Variants in GNA14 observed in about 807,000 individuals in gnomAD.
GNA14 encodes guanine nucleotide-binding protein subunit alpha-14.
A neutral mutation model predicts 42.0 loss-of-function variants in GNA14; 50 were observed. The ratio of observed to expected loss-of-function variants is 1.19; its 90% CI spans 0.95 to 1.51. The LOEUF is 1.51. Among genes scored for constraint, GNA14 ranks in the 40% most tolerant of loss-of-function variants. GNA14 has a pLI of 0.00. For synonymous variants in GNA14, 173 were observed against 163.1 expected (o/e 1.06, Z -0.46); for missense variants, 473 against 446.2 (o/e 1.06, Z -0.54).
chr9:77,469,449 TTG>T (rs1836291270), intron 2 of GNA14, among the ~76,000 whole-genome samples: 1 of 151,848 alleles, frequency 6.6e-6, no homozygotes, highest in Admixed American at 6.6e-5. Flanking sequence ...CTGTTATTGT[TTG>T]TGTCACCCTA....
chr9:77,614,617 C>T (rs113321182), intron 1 of GNA14, among the ~76,000 whole-genome samples: 3 of 152,160 alleles, frequency 2.0e-5, no homozygotes, highest in African/African-American at 7.2e-5. Flanking sequence ...ATCCCTGACC[C>T]TCCTAATATC....
At chr9:77,582,550 A>C (rs554521046) in intron 1 of GNA14, among the ~76,000 whole-genome samples, 16 of 152,322 alleles carry the variant, frequency 1.1e-4, no homozygotes, top group African/African-American at 3.8e-4. Flanking sequence ...CCCATTTTGC[A>C]TAAGTGGTTA....
Position 77,648,061 on chromosome 9 carries a change from G to A in GNA14, c.-268C>T, listed in dbSNP as rs951493495. 5 of 497,300 alleles carry A rather than the reference G, an allele frequency of 1.0e-5. No homozygotes were observed. The Admixed American group carries it at 2.0e-4, about 20-fold the overall frequency. The allele number at this position is 497,300 out of a possible 1,614,324, so 30.8% of individuals were successfully genotyped here. On this transcript the variant is annotated 5_prime_UTR_variant, in exon 1 of 7. Coordinates refer to ENST00000341700, the MANE Select transcript of GNA14 (RefSeq NM_004297.4). Reference sequence around the variant, plus strand: ...CAGCCCGCCCCACTCTCGCTCTGGGGAGGAGGAGGGCGAGTCGAGAAGTTG... The same window carrying A: ...CAGCCCGCCCCACTCTCGCTCTGGGAAGGAGGAGGGCGAGTCGAGAAGTTG...
chr9:77,584,632 AC>A (rs1231767704), intron 1 of GNA14, among the ~76,000 whole-genome samples: 1 of 152,088 alleles, frequency 6.6e-6, no homozygotes, highest in African/African-American at 2.4e-5. Flanking sequence ...CCAGATCCAG[AC>A]CCCAGGAAAG....
intron 1 of GNA14, among the ~76,000 whole-genome samples, chr9:77,588,112 G>A (rs1823333432): frequency 2.0e-5 from 3 of 151,894 alleles, no homozygotes; most frequent in African/African-American, 7.3e-5. Flanking sequence ...GTATTACATT[G>A]GTTCTACCTG....
intron 4 of GNA14, among the ~76,000 whole-genome samples, chr9:77,430,283 T>C (rs1000149387): frequency 1.3e-5 from 2 of 152,206 alleles, no homozygotes; most frequent in Non-Finnish European, 2.9e-5. Flanking sequence ...TGGTGGATGA[T>C]GTTAAACCCA....
intron 2 of GNA14, among the ~76,000 whole-genome samples, chr9:77,447,568 C>T (rs1202373393): frequency 6.6e-6 from 1 of 152,120 alleles, no homozygotes; most frequent in Non-Finnish European, 1.5e-5. Flanking sequence ...ATTTCAGTGC[C>T]TTAACAGCAC....
At chr9:77,459,254 A>G (rs1836064267) in intron 2 of GNA14, among the ~76,000 whole-genome samples, 1 of 152,092 alleles carries the variant, frequency 6.6e-6, no homozygotes, top group Non-Finnish European at 1.5e-5. Flanking sequence ...AAAAGAAAAA[A>G]AAGAAAAAAG....
At chr9:77,519,705 G>T (rs1837320371) in intron 2 of GNA14, among the ~76,000 whole-genome samples, 1 of 152,052 alleles carries the variant, frequency 6.6e-6, no homozygotes, top group Non-Finnish European at 1.5e-5. Flanking sequence ...TACACTACTT[G>T]GTGATGGTTA....
At chr9:77,456,552 A>G (rs1023146304) in intron 2 of GNA14, 1 of 152,228 alleles carries the variant, frequency 6.6e-6, no homozygotes, top group Non-Finnish European at 1.5e-5. Context: ...GGTAAGTTAT[A>G]AACAGGTGTA....
chr9:77,476,835 T>G (rs1836435399), intron 2 of GNA14, among the ~76,000 whole-genome samples: 1 of 152,064 alleles, frequency 6.6e-6, no homozygotes, highest in Admixed American at 6.5e-5. Flanking sequence ...AGTCAGTGGG[T>G]TCATACCTGG....
intron 1 of GNA14, among the ~76,000 whole-genome samples, chr9:77,597,860 G>C (rs1315080615): frequency 6.6e-6 from 1 of 151,830 alleles, no homozygotes; most frequent in Non-Finnish European, 1.5e-5. Context: ...TCAGGAGTTC[G>C]AGACCAGCCT....
intron 1 of GNA14, among the ~76,000 whole-genome samples, chr9:77,599,177 T>A (rs1157994907): frequency 6.6e-6 from 1 of 152,206 alleles, no homozygotes; most frequent in Non-Finnish European, 1.5e-5. Context: ...TGGATGAGAT[T>A]GTTACCAGAT....
intron 3 of GNA14, among the ~76,000 whole-genome samples, chr9:77,432,689 C>CA (rs1835576909): frequency 6.6e-6 from 1 of 152,198 alleles, no homozygotes; most frequent in Non-Finnish European, 1.5e-5. Context: ...TGACAGCTCT[C>CA]ACCACCCTAG....
chr9:77,549,440 C>G (rs186047076), intron 1 of GNA14, among the ~76,000 whole-genome samples: 12 of 152,294 alleles, frequency 7.9e-5, no homozygotes, highest in Non-Finnish European at 1.8e-4. Context: ...CAAGCTAGAA[C>G]TATCACTTGA....
At chr9:77,551,761 A>G (rs1042499975) in intron 1 of GNA14, among the ~76,000 whole-genome samples, 1 of 152,118 alleles carries the variant, frequency 6.6e-6, no homozygotes, top group Non-Finnish European at 1.5e-5. Context: ...TTTAAAAAAA[A>G]ATCCTTTTCA....
intron 1 of GNA14, among the ~76,000 whole-genome samples, chr9:77,604,067 C>T (rs185665972): frequency 6.1e-5 from 9 of 146,554 alleles, no homozygotes; most frequent in South Asian, 4.6e-4. Context: ...AAATATTTTA[C>T]AGCATAATGT....
intron 1 of GNA14, among the ~76,000 whole-genome samples, chr9:77,553,913 T>A (rs1223721471): frequency 3.9e-5 from 6 of 152,222 alleles, no homozygotes; most frequent in African/African-American, 1.4e-4. Context: ...CAATTAGTTA[T>A]GTTGACTCTC....
chr9:77,616,923 G>A (rs1823829923), intron 1 of GNA14, among the ~76,000 whole-genome samples: 1 of 147,938 alleles, frequency 6.8e-6, no homozygotes, highest in Non-Finnish European at 1.5e-5. Flanking sequence ...AGGCTGGAGT[G>A]TGGTGGCACG....
Sources: allele counts gnomAD v4.1 joint callset (sites outside exome capture counted in the v4.1 genomes callset), GRCh38; gene constraint gnomAD v4.1.1; transcripts MANE v1.5; gene names NCBI Gene and HGNC (gene_info 2026-07-23, HGNC 2026-07-21).